The following RAD54L2 variants were observed in gnomAD, a reference collection of about 807,000 sequenced individuals.
RAD54L2 encodes the protein RAD54 like 2, also known as helicase ARIP4.
In RAD54L2, 27 loss-of-function variants were observed where a neutral mutation model predicts 138.4. The ratio of observed to expected loss-of-function variants is 0.20; its 90% CI spans 0.14 to 0.27. The LOEUF (loss-of-function observed/expected upper bound fraction) is 0.27. Among genes scored for constraint, RAD54L2 ranks in the 10% least tolerant of loss-of-function variants. The probability of loss-of-function intolerance (pLI) is 1.00; values close to 1 mark genes in which losing one functional copy is unlikely to be tolerated. For missense variants in RAD54L2, 1,396 were observed against 1,890.2 expected, an observed-to-expected ratio of 0.74 and a Z score of 4.85; for synonymous variants, 644 against 723.2, an observed-to-expected ratio of 0.89 and a Z score of 1.76.
At chr3:51,567,187 T>A (rs539361114) in intron 2 of RAD54L2, among the ~76,000 whole-genome samples, 1 of 152,216 alleles carries the variant, frequency 6.6e-6, no homozygotes, top group African/African-American at 2.4e-5. Context: ...GTTTTCAGTT[T>A]GTTTTTCATT....
intron 2 of RAD54L2, among the ~76,000 whole-genome samples, chr3:51,559,325 T>C (rs1699047800): frequency 6.6e-6 from 1 of 152,228 alleles, no homozygotes; most frequent in Non-Finnish European, 1.5e-5. Context: ...TTAATGAGGG[T>C]AGAACATTTG....
Position 51,567,118 on chromosome 3 carries a change from T to C in RAD54L2, c.-54-23249T>C, listed in dbSNP as rs532794457. On this transcript the variant is annotated intron_variant, in intron 2 of 22. Coordinates refer to ENST00000684192, the MANE Select transcript of RAD54L2 (RefSeq NM_015106.4). ...TTATCTTTTTATTTGTTCCCCAAGA[T>C]TGGCAACCTCTTCTGCCAGAACTGC... 2.6e-5 allele frequency among the ~76,000 whole-genome samples: 4 copies of C among 152,342 alleles called. No individual in the cohort carries two copies. The East Asian group carries it at 7.7e-4, about 29-fold the overall frequency.
At chr3:51,634,290 A>G (rs1700922423) in intron 9 of RAD54L2, among the ~76,000 whole-genome samples, 1 of 150,576 alleles carries the variant, frequency 6.6e-6, no homozygotes, top group Non-Finnish European at 1.5e-5. Flanking sequence ...ATATGTGGGC[A>G]TGGTCATATT....
intron 2 of RAD54L2, among the ~76,000 whole-genome samples, chr3:51,544,186 T>A (rs1417875700): frequency 1.3e-5 from 2 of 152,170 alleles, no homozygotes; most frequent in African/African-American, 2.4e-5. Flanking sequence ...CAAATGTTTG[T>A]TGAGTGAACA....
rs1037384860 is a variant in RAD54L2, at chr3:51,635,733, C to T, written c.1283C>T (p.Ser428Phe). 4.3e-6 allele frequency: 7 copies of T among 1,613,724 alleles called. No homozygotes were observed. The highest frequency in any genetic ancestry group is 1.1e-5 in the South Asian group (1 of 91,014). ...TGRPKKTKKR[S>F]HPVIIDLDEE... ...AGACCGAAGAAAACCAAGAAGCGTT[C>T]TCACCCAGTCATCATTGATCTAGAT... The change falls in exon 10 of 23, where the codon TCT becomes TTT. Residue 428 changes from serine (S) to phenylalanine (F), a missense_variant. Ser to Phe is a radical substitution (Grantham distance 155). This residue lies in a region of RAD54L2 where 169 missense variants were observed against 235.6 expected (regional missense o/e 0.72). Coordinates refer to ENST00000684192, the MANE Select transcript of RAD54L2 (RefSeq NM_015106.4).
chr3:51,547,288 A>T (rs948817173), intron 2 of RAD54L2, among the ~76,000 whole-genome samples: 6 of 151,894 alleles, frequency 4.0e-5, no homozygotes, highest in Non-Finnish European at 8.8e-5. Context: ...AGGCGGGACG[A>T]TTGCCTGAAC....
rs763188802 is a variant in RAD54L2 at position 51,645,583 on chromosome 3, C to T, written c.2657-8C>T. The T allele has an allele frequency of 6.2e-7, 1 of 1,603,422 alleles. No individual in the cohort carries two copies. The highest frequency in any genetic ancestry group is 1.1e-5 in the South Asian group (1 of 88,838). ...GTGCTGACTTTCTTCATGTCTTTAT[C>T]CTTCTAGATCGGGTGGTGGATGATC... On this transcript the variant is annotated splice_region_variant and splice_polypyrimidine_tract_variant and intron_variant, in intron 17 of 22. Coordinates refer to ENST00000684192, the MANE Select transcript of RAD54L2 (RefSeq NM_015106.4). The surrounding 1 kb of genome is among the most constrained non-coding windows in gnomAD (Gnocchi z 6.1).
At chr3:51,604,226 C>T (rs150452229) in intron 3 of RAD54L2, among the ~76,000 whole-genome samples, 55 of 152,176 alleles carry the variant, frequency 3.6e-4, no homozygotes, top group Non-Finnish European at 6.0e-4. Context: ...GGGGGAGGTA[C>T]AGATGGGGAG....
chr3:51,603,711 G>A (rs766540892), intron 3 of RAD54L2, among the ~76,000 whole-genome samples: 14 of 152,294 alleles, frequency 9.2e-5, no homozygotes, highest in South Asian at 2.1e-4. Context: ...TTGGGGTAGA[G>A]GTGGGGTCTT....
At chr3:51,565,754 T>C (rs1699200904) in intron 2 of RAD54L2, among the ~76,000 whole-genome samples, 1 of 151,790 alleles carries the variant, frequency 6.6e-6, no homozygotes, top group South Asian at 2.1e-4. Flanking sequence ...ATTACAGGCG[T>C]GAGCCACTGT....
intron 3 of RAD54L2, among the ~76,000 whole-genome samples, chr3:51,597,869 G>A (rs532891762): frequency 6.6e-6 from 1 of 151,320 alleles, no homozygotes; most frequent in African/African-American, 2.4e-5. Context: ...CAGGAGATTC[G>A]CTTAAACCTG....
At chr3:51,646,573 T>A (rs1386644060) in intron 19 of RAD54L2, 92 bp downstream of exon 19, 10 of 1,287,794 alleles carry the variant, frequency 7.8e-6, no homozygotes, top group Non-Finnish European at 9.5e-6. Flanking sequence ...AGCCTACAAC[T>A]TGTTCCTTGA....
chr3:51,615,085 C>T (rs1342317758), intron 3 of RAD54L2, among the ~76,000 whole-genome samples: 1 of 151,996 alleles, frequency 6.6e-6, no homozygotes, highest in African/African-American at 2.4e-5. Context: ...GTGATCTTGG[C>T]TCATTGCAAT....
chr3:51,562,931 G>C (rs1380067893), intron 2 of RAD54L2, among the ~76,000 whole-genome samples: 1 of 152,162 alleles, frequency 6.6e-6, no homozygotes, highest in Admixed American at 6.6e-5. Context: ...GAGCCACCGA[G>C]TCTGGCCAGA....
At chr3:51,619,511 T>A (rs894785823) in intron 3 of RAD54L2, among the ~76,000 whole-genome samples, 11 of 151,980 alleles carry the variant, frequency 7.2e-5, no homozygotes, top group African/African-American at 2.7e-4. Context: ...TTTTCCAGTT[T>A]CCTATAACAT....
At chr3:51,653,414 A>G (rs548514683) in intron 19 of RAD54L2, among the ~76,000 whole-genome samples, 1 of 152,348 alleles carries the variant, frequency 6.6e-6, no homozygotes, top group South Asian at 2.1e-4. Context: ...CATTTGACCC[A>G]GCCATCCCAT....
chr3:51,582,210 T>C (rs2106691012), intron 2 of RAD54L2, among the ~76,000 whole-genome samples: 1 of 152,218 alleles, frequency 6.6e-6, no homozygotes, highest in East Asian at 1.9e-4. Context: ...GCCTGGCCAG[T>C]AATCACCAGC....
chr3:51,624,328 C>G (rs1700631765), intron 3 of RAD54L2, among the ~76,000 whole-genome samples: 1 of 151,626 alleles, frequency 6.6e-6, no homozygotes, highest in East Asian at 1.9e-4. Flanking sequence ...CCTCCACCTC[C>G]CAAGCTTAAG....
intron 3 of RAD54L2, among the ~76,000 whole-genome samples, chr3:51,610,551 A>T (rs1205983902): frequency 6.6e-6 from 1 of 151,830 alleles, no homozygotes; most frequent in African/African-American, 2.4e-5. Flanking sequence ...GTAAGCAGAG[A>T]ATTGCTTAAA....
Sources: allele counts gnomAD v4.1 joint callset (sites outside exome capture counted in the v4.1 genomes callset), GRCh38; gene constraint gnomAD v4.1.1; regional missense constraint gnomAD v4.1.1; non-coding constraint Gnocchi (gnomAD v3.1); transcripts MANE v1.5; gene names NCBI Gene and HGNC (gene_info 2026-07-23, HGNC 2026-07-21).